Variants in MINDY3 observed in about 807,000 individuals in gnomAD.
MINDY3 encodes ubiquitin carboxyl-terminal hydrolase MINDY-3.
A neutral mutation model predicts 69.2 loss-of-function variants in MINDY3; 38 were observed. That is an observed-to-expected ratio of 0.55 (90% CI 0.42 to 0.72). MINDY3 has a LOEUF of 0.72. MINDY3 is among the 30% of genes least tolerant of loss of function. The pLI, the probability that MINDY3 is intolerant of heterozygous loss-of-function variation, is 0.00. For missense variants in MINDY3, 522 were observed against 519.0 expected (o/e 1.01, Z -0.06); for synonymous variants, 192 against 180.1 (o/e 1.07, Z -0.53).
intron 11 of MINDY3, among the ~76,000 whole-genome samples, chr10:15,793,093 C>T (rs2131867454): frequency 6.6e-6 from 1 of 152,226 alleles, no homozygotes; most frequent in South Asian, 2.1e-4. Context: ...TATCTTTGAT[C>T]ATATTAATAT....
intron 12 of MINDY3, among the ~76,000 whole-genome samples, chr10:15,786,878 T>C (rs1199806504): frequency 6.6e-6 from 1 of 152,184 alleles, no homozygotes; most frequent in Admixed American, 6.5e-5. Context: ...TTGTGATGAC[T>C]TTGGAATATT....
At chr10:15,824,276 T>A (rs1839949087) in intron 8 of MINDY3, among the ~76,000 whole-genome samples, 1 of 152,180 alleles carries the variant, frequency 6.6e-6, no homozygotes, top group Non-Finnish European at 1.5e-5. Flanking sequence ...TTCTCTATCT[T>A]CGCCACACTT....
At position 15,833,662 on chromosome 10, in the gene MINDY3, A is replaced by G; in HGVS notation, c.698T>C (p.Val233Ala). Reference protein sequence around the residue: ...LLLTGHAVSNVWDGDRECSGM... With the variant: ...LLLTGHAVSNAWDGDRECSGM... ...TGAGCACTCTCTATCACCATCCCAT[A>G]CATTAGAAACAGCATGTCCCGTCAG... The change falls in exon 8 of 15, where the codon GTA becomes GCA. Residue 233 changes from valine to alanine, a missense_variant. Physicochemically the swap from Val to Ala is moderately conservative, Grantham distance 64. Transcript: ENST00000277632. The G allele has an allele frequency of 6.2e-7, 1 of 1,610,996 alleles. No homozygotes were observed. Among genetic ancestry groups the G allele is most frequent in the Non-Finnish European group, 8.5e-7 (1 of 1,177,426 alleles).
At chr10:15,821,635 G>C in intron 9 of MINDY3, 21 bp downstream of exon 9, 1 of 1,572,586 alleles carries the variant, frequency 6.4e-7, no homozygotes. Context: ...AACATTCAAA[G>C]TACCTTAAAA....
chr10:15,803,962 G>T (rs1838446351), intron 10 of MINDY3, among the ~76,000 whole-genome samples: 1 of 151,986 alleles, frequency 6.6e-6, no homozygotes, highest in Non-Finnish European at 1.5e-5. Context: ...TACTGCATTT[G>T]GAACTCTTTT....
chr10:15,815,898 T>C (rs1839323446), intron 10 of MINDY3, among the ~76,000 whole-genome samples: 2 of 152,156 alleles, frequency 1.3e-5, no homozygotes, highest in African/African-American at 2.4e-5. Flanking sequence ...AACCACTCAA[T>C]TGTGGAAAAA....
intron 6 of MINDY3, among the ~76,000 whole-genome samples, chr10:15,836,604 G>C (rs1333788312): frequency 1.3e-5 from 2 of 151,700 alleles, no homozygotes; most frequent in African/African-American, 4.8e-5. Flanking sequence ...ACTGGTATTT[G>C]GGGAAAAAGA....
chr10:15,833,138 A>AT (rs1219297968), intron 8 of MINDY3, among the ~76,000 whole-genome samples: 1 of 152,232 alleles, frequency 6.6e-6, no homozygotes, highest in Non-Finnish European at 1.5e-5. Context: ...CAGGAAAGAA[A>AT]TAATTGAGAC....
chr10:15,808,093 ATAAT>A (rs1838758072), intron 10 of MINDY3, among the ~76,000 whole-genome samples: 1 of 152,186 alleles, frequency 6.6e-6, no homozygotes, highest in Non-Finnish European at 1.5e-5. Context: ...ATCACTGAGA[ATAAT>A]TAAGCTGTCC....
chr10:15,813,094 A>AAATGTGAATTT (rs1205967614), intron 10 of MINDY3, among the ~76,000 whole-genome samples: 1 of 152,140 alleles, frequency 6.6e-6, no homozygotes, highest in East Asian at 1.9e-4. Context: ...TATCTTTTAC[A>AAATGTGAATTT]AATGTGAATT....
At chr10:15,837,798 A>C in intron 5 of MINDY3, 1 of 979,968 alleles carries the variant, frequency 1.0e-6, no homozygotes, top group Non-Finnish European at 1.2e-6. Context: ...ATCAACAGCC[A>C]TCTTTACCTT....
At chr10:15,804,658 T>G (rs1354501085) in intron 10 of MINDY3, among the ~76,000 whole-genome samples, 1 of 152,192 alleles carries the variant, frequency 6.6e-6, no homozygotes, top group Non-Finnish European at 1.5e-5. Context: ...AGGTAAATGC[T>G]GTATAATTTA....
At chr10:15,830,540 T>C (rs1458200219) in intron 8 of MINDY3, among the ~76,000 whole-genome samples, 1 of 152,246 alleles carries the variant, frequency 6.6e-6, no homozygotes, top group Non-Finnish European at 1.5e-5. Flanking sequence ...TCTTGAGTGC[T>C]GTAATACATA....
At chr10:15,786,308 G>A (rs1270878743) in intron 13 of MINDY3, among the ~76,000 whole-genome samples, 1 of 152,046 alleles carries the variant, frequency 6.6e-6, no homozygotes, top group Non-Finnish European at 1.5e-5. Context: ...TCAAACTTCC[G>A]AACTGTTCTC....
At chr10:15,788,647 A>G (rs1294409595) in intron 12 of MINDY3, among the ~76,000 whole-genome samples, 1 of 152,142 alleles carries the variant, frequency 6.6e-6, no homozygotes. Context: ...TTTCATGGAT[A>G]ATAACTAAAG....
intron 8 of MINDY3, among the ~76,000 whole-genome samples, chr10:15,832,805 T>A (rs1832822534): frequency 6.6e-6 from 1 of 152,202 alleles, no homozygotes; most frequent in African/African-American, 2.4e-5. Context: ...TAACTACACA[T>A]TTCTGAATTT....
intron 8 of MINDY3, among the ~76,000 whole-genome samples, chr10:15,831,925 C>T (rs539202239): frequency 6.6e-6 from 1 of 152,250 alleles, no homozygotes; most frequent in African/African-American, 2.4e-5. Flanking sequence ...ATCCATCCAC[C>T]TCGGCCTCCC....
rs189426630 is a variant in MINDY3, at chr10:15,839,917, A to T, written c.409+1509T>A. 4.3e-3 allele frequency among the ~76,000 whole-genome samples: 646 copies of T among 151,786 alleles called. 4 individuals are homozygous for T. The highest frequency in any genetic ancestry group is 0.015 in the African/African-American group (626 of 41,532). Reference sequence around the variant, plus strand: ...AATTCAATATAATATGCCCATCTAAATTAGTTACTGAAGTACCAAAGGGAA... The same window carrying T: ...AATTCAATATAATATGCCCATCTAATTTAGTTACTGAAGTACCAAAGGGAA... On this transcript the variant is annotated intron_variant, in intron 4 of 14. Transcript: ENST00000277632.
chr10:15,838,598 A>G (rs1270337500), intron 4 of MINDY3, among the ~76,000 whole-genome samples: 2 of 151,746 alleles, frequency 1.3e-5, no homozygotes, highest in Non-Finnish European at 3.0e-5. Context: ...TGTGTCCTGC[A>G]CTTTTAAATA....
Sources: allele counts gnomAD v4.1 joint callset (sites outside exome capture counted in the v4.1 genomes callset), GRCh38; gene constraint gnomAD v4.1.1; transcripts MANE v1.5; gene names NCBI Gene and HGNC (gene_info 2026-07-23, HGNC 2026-07-21).